The following KMT5A variants were observed in gnomAD, a reference collection of about 807,000 sequenced individuals.
KMT5A encodes the protein N-lysine methyltransferase KMT5A.
KMT5A carries 6 observed loss-of-function variants against 40.6 expected under a neutral mutation model. The ratio of observed to expected loss-of-function variants is 0.15; its 90% CI spans 0.08 to 0.29. The LOEUF (loss-of-function observed/expected upper bound fraction) is 0.29, where lower values mean the gene tolerates loss of function less well. Ranked by LOEUF, KMT5A falls within the 10% of genes least tolerant of loss-of-function variation. KMT5A has a pLI of 1.00. For missense variants in KMT5A, 308 were observed against 459.1 expected (o/e 0.67, Z 3.01); for synonymous variants, 153 against 178.8 (o/e 0.86, Z 1.15).
intron 6 of KMT5A, 129 bp from the exon 7 acceptor site, chr12:123,404,755 A>G (rs2139204284): frequency 1.2e-6 from 1 of 854,086 alleles, no homozygotes; most frequent in Non-Finnish European, 1.8e-6. Context: ...ATGTAAAGTG[A>G]GTGAATTTTA....
At chr12:123,394,445 T>TTAAA (rs1877544192) in intron 3 of KMT5A, among the ~76,000 whole-genome samples, 2 of 152,134 alleles carry the variant, frequency 1.3e-5, no homozygotes, top group African/African-American at 4.8e-5. Context: ...TTTAAAAAGG[T>TTAAA]AAGCAGTTTT....
At position 123,397,192 on chromosome 12, in the gene KMT5A, T is replaced by C. The variant is rs534950328; in HGVS notation, c.597+760T>C. ...CTCCGCTGCCATGTTTGCAGAGGGT[T>C]GAGCTATGCGGCAGGCAGTCAATAT... On this transcript the variant is annotated intron_variant, in intron 5 of 7. Transcript: ENST00000402868. 9.8e-5 allele frequency among the ~76,000 whole-genome samples: 15 copies of C among 152,374 alleles called. No homozygotes were observed. The East Asian group carries it at 2.3e-3, about 23-fold the overall frequency.
rs373920335 is a variant in KMT5A, at chr12:123,395,078, C to G, written c.321C>G (p.Ser107Arg). 1 of 1,584,846 alleles carries G rather than the reference C, an allele frequency of 6.3e-7. No individual in the cohort carries two copies. The highest frequency in any genetic ancestry group is 1.8e-5 in the Admixed American group (1 of 55,020). ...GAAATGCTGGGAACGCAGTACGGAG[C>G]GCCATGAAGTCCGAGGAACAGAAGA... ...EKRNAGNAVR[S>R]AMKSEEQKIK... The change falls in exon 4 of 8, where the codon AGC becomes AGG. Residue 107 changes from serine (S) to arginine (R), a missense_variant. Ser to Arg is a moderately radical substitution (Grantham distance 110, BLOSUM62 -1). This residue lies in a region of KMT5A where 127 missense variants were observed against 129.8 expected (regional missense o/e 0.98). Coordinates refer to ENST00000402868, the MANE Select transcript of KMT5A (RefSeq NM_020382.7).
Position 123,403,579 on chromosome 12 carries a change from G to C in KMT5A, c.604G>C (p.Glu202Gln). The change falls in exon 6 of 8, where the codon GAA (glutamate) becomes CAA (glutamine). Residue 202 changes from glutamate (E) to glutamine (Q), a missense_variant. Coordinates refer to ENST00000402868, the MANE Select transcript of KMT5A (RefSeq NM_020382.7). ...TTTCTTTCTCTCTGCCCAGTCTGAA[G>C]AAAGGAAAAGAATAGATGAATTGAT... The part of the protein sequence containing the change: ...RKSKAELQSE[E>Q]RKRIDELIES... The C allele has an allele frequency of 6.2e-7, 1 of 1,614,182 alleles. No homozygotes were observed. Among genetic ancestry groups the C allele is most frequent in the Non-Finnish European group, 8.5e-7 (1 of 1,180,010 alleles).
rs1877237861 is a variant in KMT5A, at chr12:123,390,670, T to C, written c.173T>C (p.Met58Thr). The C allele has an allele frequency of 1.2e-6, 2 of 1,613,842 alleles. No homozygotes were observed. The highest frequency in any genetic ancestry group is 1.7e-5 in the Admixed American group (1 of 59,986). The change falls in exon 3 of 8, where the codon ATG (methionine) becomes ACG (threonine). Residue 58 changes from methionine to threonine, a missense_variant. Coordinates refer to ENST00000402868, the MANE Select transcript of KMT5A (RefSeq NM_020382.7). ...FTGQSKIYSY[M>T]SPNKCSGMRF... ...GGGCAGTCAAAGATCTATTCCTACA[T>C]GAGCCCGAACAAATGCTCTGGAATG...
Position 123,396,034 on chromosome 12 carries a change from C to T in KMT5A, c.510-311C>T, listed in dbSNP as rs147447480. Among the ~76,000 whole-genome samples the T allele has an allele frequency of 3.6e-3, 546 of 152,114 alleles. 3 individuals carry two copies. Among genetic ancestry groups the T allele is most frequent in the African/African-American group, 0.012 (497 of 41,486 alleles). ...CTAATTTCTTTCCTTTTTTTAGAGA[C>T]GGGGTTTTGCTGTGTTGCCTGAGTT... is the stretch of plus-strand genomic sequence containing the variant. On this transcript the variant is annotated intron_variant, in intron 4 of 7. Transcript: ENST00000402868.
At chr12:123,404,286 G>A (rs993177798) in intron 6 of KMT5A, among the ~76,000 whole-genome samples, 3 of 152,226 alleles carry the variant, frequency 2.0e-5, no homozygotes, top group Middle Eastern at 3.4e-3. Context: ...CTAGGGCTCC[G>A]GGTTCAGAAA....
At chr12:123,389,891 C>T (rs982707082) in intron 2 of KMT5A, among the ~76,000 whole-genome samples, 3 of 152,096 alleles carry the variant, frequency 2.0e-5, no homozygotes, top group Admixed American at 6.5e-5. Flanking sequence ...GGCGAGGGCC[C>T]GGCGTTGCTT....
At chr12:123,404,769 CAT>C in intron 6 of KMT5A, 113 bp from the exon 7 acceptor site, 1 of 985,308 alleles carries the variant, frequency 1.0e-6, no homozygotes, top group Admixed American at 2.6e-5. Flanking sequence ...AATTTTATGA[CAT>C]GGCTCAGTAC....
intron 3 of KMT5A, 159 bp downstream of exon 3, chr12:123,390,945 C>T (rs1593457738): frequency 2.4e-6 from 2 of 843,968 alleles, no homozygotes; most frequent in African/African-American, 3.4e-5. Flanking sequence ...AATGGCTTGT[C>T]CCAGGGTGTG....
chr12:123,384,314 C>T lies in KMT5A; in HGVS notation c.10+106C>T. 1 of 1,500,740 alleles carries T rather than the reference C, an allele frequency of 6.7e-7. No homozygotes were observed. 93.0% of individuals were successfully genotyped at this position (1,500,740 alleles called of 1,614,324 possible). A position where few individuals can be genotyped will look rare whatever the true frequency, so the allele number is the denominator to read the frequency against. On this transcript the variant is annotated intron_variant, in intron 1 of 7. Coordinates refer to ENST00000402868, the MANE Select transcript of KMT5A (RefSeq NM_020382.7). The surrounding 1 kb of genome is among the most constrained non-coding windows in gnomAD (Gnocchi z 5.7). ...GCGGGGAGGCGTCCTCCTCGGGTGG[C>T]TCGGGGCAAGCTTGGGGACCCGCGT... is the stretch of plus-strand genomic sequence containing the variant.
At position 123,385,800 on chromosome 12, in the gene KMT5A, C is replaced by T. The variant is rs956865414; in HGVS notation, c.10+1592C>T. 4.5e-4 allele frequency among the ~76,000 whole-genome samples: 69 copies of T among 151,942 alleles called. 2 individuals carry two copies. The highest frequency in any genetic ancestry group is 2.1e-4 in the South Asian group (1 of 4,816). On this transcript the variant is annotated intron_variant, in intron 1 of 7. Transcript: ENST00000402868. ...CTGGGAGGTGGAGCTTGCAGTGAGC[C>T]GAGATTACGTCACCGCACTCCAGCA...
At chr12:123,401,997 T>A (rs1878217981) in intron 5 of KMT5A, among the ~76,000 whole-genome samples, 1 of 152,146 alleles carries the variant, frequency 6.6e-6, no homozygotes, top group South Asian at 2.1e-4. Context: ...ATCCTCCTCC[T>A]TCCTCAGCCT....
intron 7 of KMT5A, 23 bp from the exon 8 acceptor site, chr12:123,407,470 C>T (rs565851559): frequency 6.2e-7 from 1 of 1,612,218 alleles, no homozygotes; most frequent in African/African-American, 1.3e-5. Context: ...ATTTAATCCT[C>T]TCTGGCCCTC....
chr12:123,403,664 C>T, intron 6 of KMT5A, 32 bp downstream of exon 6: 1 of 1,613,524 alleles, frequency 6.2e-7, no homozygotes, highest in Non-Finnish European at 8.5e-7. Flanking sequence ...TGCATCATAG[C>T]TAAAGCTGGA....
chr12:123,401,707 G>A (rs1878196038), intron 5 of KMT5A, among the ~76,000 whole-genome samples: 1 of 151,624 alleles, frequency 6.6e-6, no homozygotes, highest in South Asian at 2.1e-4. Context: ...TCAGCCTCCT[G>A]AGTAGCCGGG....
At chr12:123,394,217 C>T (rs1396495513) in intron 3 of KMT5A, among the ~76,000 whole-genome samples, 1 of 149,974 alleles carries the variant, frequency 6.7e-6, no homozygotes, top group Non-Finnish European at 1.5e-5. Context: ...AGTTCTCCTG[C>T]CTCAGCCTCC....
chr12:123,385,365 G>A (rs1876810918), intron 1 of KMT5A, among the ~76,000 whole-genome samples: 1 of 152,126 alleles, frequency 6.6e-6, no homozygotes, highest in Admixed American at 6.6e-5. Flanking sequence ...CCTTTGAAAA[G>A]TGTTAAGCAT....
intron 1 of KMT5A, among the ~76,000 whole-genome samples, chr12:123,387,422 T>A (rs1876943470): frequency 6.6e-6 from 1 of 152,210 alleles, no homozygotes; most frequent in Admixed American, 6.5e-5. Flanking sequence ...AAAACCATGA[T>A]TCTCATGGCA....
Sources: allele counts gnomAD v4.1 joint callset (sites outside exome capture counted in the v4.1 genomes callset), GRCh38; gene constraint gnomAD v4.1.1; regional missense constraint gnomAD v4.1.1; non-coding constraint Gnocchi (gnomAD v3.1); transcripts MANE v1.5; gene names NCBI Gene and HGNC (gene_info 2026-07-23, HGNC 2026-07-21).